The following ACTMAP variants were observed in gnomAD, a reference collection of about 807,000 sequenced individuals.
ACTMAP encodes the protein UPF0692 protein C19orf54.
chr19:40,749,785 G>A, the ACTMAP span: 4 of 1,459,706 alleles, frequency 2.7e-6, no homozygotes, highest in African/African-American at 1.4e-5. Flanking sequence ...TTTAGGGGAG[G>A]AGAGCATGGA....
At chr19:40,749,756 T>G in the ACTMAP span, 1 of 1,483,656 alleles carries the variant, frequency 6.7e-7, no homozygotes, top group Non-Finnish European at 8.9e-7. Context: ...CAGGGGTTTT[T>G]GGAGGAGAAA....
the ACTMAP span, among the ~76,000 whole-genome samples, chr19:40,748,851 G>A: frequency 4.6e-5 from 7 of 152,090 alleles, no homozygotes; most frequent in African/African-American, 1.4e-4. Context: ...CCTTCTCCAA[G>A]AAGCTCCCCC....
At chr19:40,749,782 G>T in the ACTMAP span, 1 of 1,467,096 alleles carries the variant, frequency 6.8e-7, no homozygotes, top group Non-Finnish European at 9.0e-7. Context: ...GGTTTTAGGG[G>T]AGGAGAGCAT....
the ACTMAP span, chr19:40,741,619 T>G: frequency 4.9e-6 from 2 of 410,234 alleles, no homozygotes; most frequent in East Asian, 1.4e-4. Context: ...GGAAAGTTTG[T>G]GGTCAGCACC....
chr19:40,749,840 G>T, the ACTMAP span: 1 of 1,355,930 alleles, frequency 7.4e-7, no homozygotes, highest in Non-Finnish European at 9.7e-7. Context: ...GGTTCAGAAA[G>T]CGGGGAGGGA....
At chr19:40,744,416 G>GT in the ACTMAP span, 2 of 1,438,448 alleles carry the variant, frequency 1.4e-6, no homozygotes, top group South Asian at 2.6e-5. Flanking sequence ...AGTCCATCTT[G>GT]TAACCTCTCT....
chr19:40,741,782 G>A, the ACTMAP span: 5 of 456,494 alleles, frequency 1.1e-5, no homozygotes, highest in African/African-American at 4.0e-5. Flanking sequence ...GGTCCATCTA[G>A]CACCCCCCTT....
At chr19:40,743,572 G>T in the ACTMAP span, among the ~76,000 whole-genome samples, 2 of 152,150 alleles carry the variant, frequency 1.3e-5, no homozygotes, top group African/African-American at 4.8e-5. Context: ...TGCCTACAAG[G>T]CAGCCTTATG....
chr19:40,741,785 C>G, the ACTMAP span: 2 of 456,660 alleles, frequency 4.4e-6, no homozygotes, highest in Non-Finnish European at 8.8e-6. Context: ...CCATCTAGCA[C>G]CCCCCTTACA....
the ACTMAP span, chr19:40,749,422 G>C: frequency 5.9e-6 from 7 of 1,184,532 alleles, no homozygotes; most frequent in East Asian, 2.9e-5. Flanking sequence ...CCCACCCCAA[G>C]AGATCTGTGA....
At chr19:40,743,464 C>T in the ACTMAP span, among the ~76,000 whole-genome samples, 2 of 152,126 alleles carry the variant, frequency 1.3e-5, no homozygotes, top group African/African-American at 4.8e-5. Flanking sequence ...AACTCCTGAC[C>T]TCAAGCGATC....
chr19:40,740,994 C>T, the ACTMAP span: 19 of 398,486 alleles, frequency 4.8e-5, no homozygotes, highest in South Asian at 5.1e-4. Context: ...AGTCACTGGG[C>T]GGCTATTCTT....
At chr19:40,744,779 C>T in the ACTMAP span, 6 of 1,454,028 alleles carry the variant, frequency 4.1e-6, 1 homozygote, top group African/African-American at 2.8e-5. Flanking sequence ...TGGAGGAGTC[C>T]CCCTCCCCTC....
chr19:40,745,035 A>C, the ACTMAP span: 1 of 1,426,826 alleles, frequency 7.0e-7, no homozygotes, highest in African/African-American at 1.4e-5. Flanking sequence ...AGCAGGGACA[A>C]TCCACTCCTC....
chr19:40,742,869 G>T, the ACTMAP span: 1 of 1,193,576 alleles, frequency 8.4e-7, no homozygotes, highest in Non-Finnish European at 1.2e-6. Flanking sequence ...CAGGGTGGGT[G>T]CAGCTGCCAT....
chr19:40,745,670 T>TTTTTA, the ACTMAP span, among the ~76,000 whole-genome samples: 3 of 152,132 alleles, frequency 2.0e-5, no homozygotes, highest in East Asian at 1.9e-4. Context: ...CAGCTAGTTC[T>TTTTTA]TTTTATTTTA....
chr19:40,744,598 T>G, the ACTMAP span: 1 of 1,613,820 alleles, frequency 6.2e-7, no homozygotes, highest in South Asian at 1.1e-5. Flanking sequence ...CCTCTTTCCG[T>G]GGCCACCCGT....
chr19:40,744,505 T>G, the ACTMAP span: 2 of 1,602,638 alleles, frequency 1.2e-6, no homozygotes, highest in African/African-American at 2.7e-5. Context: ...CCACCCAGCC[T>G]CTCTGGTCCC....
At chr19:40,748,956 G>C in the ACTMAP span, among the ~76,000 whole-genome samples, 1 of 146,252 alleles carries the variant, frequency 6.8e-6, no homozygotes, top group East Asian at 2.0e-4. Flanking sequence ...GGAGGGATCT[G>C]TCTCTCTCAC....
Sources: gnomAD v4.1 joint callset for allele counts (sites outside exome capture counted in the v4.1 genomes callset) on GRCh38, gnomAD v4.1.1 for gene constraint, MANE v1.5 for transcripts, NCBI Gene and HGNC (gene_info 2026-07-23, HGNC 2026-07-21) for gene names.